Variants in OPRD1 observed in about 807,000 individuals in gnomAD.
OPRD1 encodes the protein opioid receptor delta 1, also known as delta-type opioid receptor.
A neutral mutation model predicts 17.5 loss-of-function variants in OPRD1; 19 were observed. That is an observed-to-expected ratio of 1.09 (90% CI 0.76 to 1.60). The LOEUF (loss-of-function observed/expected upper bound fraction) is 1.60. Among genes scored for constraint, OPRD1 ranks in the 40% most tolerant of loss-of-function variants. The probability of loss-of-function intolerance (pLI) is 0.00; values close to 1 mark genes in which losing one functional copy is unlikely to be tolerated. For synonymous variants in OPRD1, 256 were observed against 240.9 expected (o/e 1.06, Z -0.58); for missense variants, 483 against 547.2 (o/e 0.88, Z 1.17).
chr1:28,826,959 A>G (rs1019397580), intron 1 of OPRD1, among the ~76,000 whole-genome samples: 1 of 152,220 alleles, frequency 6.6e-6, no homozygotes, highest in Non-Finnish European at 1.5e-5. Flanking sequence ...CATTTCAACA[A>G]AGTTCACAGA....
At chr1:28,850,602 C>T (rs1158945658) in intron 1 of OPRD1, among the ~76,000 whole-genome samples, 2 of 151,902 alleles carry the variant, frequency 1.3e-5, no homozygotes, top group African/African-American at 2.4e-5. Context: ...GGATTACATG[C>T]GTGAGCCACT....
intron 1 of OPRD1, among the ~76,000 whole-genome samples, chr1:28,822,004 T>G (rs1219395133): frequency 6.6e-6 from 1 of 151,064 alleles, no homozygotes; most frequent in East Asian, 1.9e-4. Flanking sequence ...CAGGCTGGAG[T>G]GCAATGGCGC....
At chr1:28,854,821 T>C (rs1393537231) in intron 1 of OPRD1, among the ~76,000 whole-genome samples, 1 of 151,942 alleles carries the variant, frequency 6.6e-6, no homozygotes, top group East Asian at 1.9e-4. Flanking sequence ...CCCGGCTAAT[T>C]TTTGTATTTT....
chr1:28,862,295 AGGTT>A (rs1202448399), intron 2 of OPRD1, among the ~76,000 whole-genome samples: 1 of 152,060 alleles, frequency 6.6e-6, no homozygotes, highest in Non-Finnish European at 1.5e-5. Flanking sequence ...AAGCTCCAAG[AGGTT>A]TAGTAATTTC....
At chr1:28,820,901 T>A (rs1044363793) in intron 1 of OPRD1, among the ~76,000 whole-genome samples, 4 of 151,990 alleles carry the variant, frequency 2.6e-5, no homozygotes, top group African/African-American at 9.7e-5. Flanking sequence ...GCATCTGGCC[T>A]GAGACCCCAT....
intron 1 of OPRD1, among the ~76,000 whole-genome samples, chr1:28,846,907 T>TTTTC (rs1195716117): frequency 1.0e-4 from 14 of 140,454 alleles, no homozygotes; most frequent in African/African-American, 3.3e-4. Flanking sequence ...CTTTCTTTCT[T>TTTTC]TTTCTTTCTT....
At chr1:28,824,181 A>G (rs28474854) in intron 1 of OPRD1, among the ~76,000 whole-genome samples, 50,336 of 136,144 alleles carry the variant, frequency 0.37, 8,931 homozygotes, top group African/African-American at 0.56. Flanking sequence ...CCTATCTCCA[A>G]AAAAAAAAAA....
At position 28,814,638 on chromosome 1, in the gene OPRD1, G is replaced by A. The variant is rs534739644; in HGVS notation, c.227+2028G>A. On this transcript the variant is annotated intron_variant, in intron 1 of 2. Transcript: ENST00000234961. ...GGCCTCTGGCTGGTTGGCTGACTGA[G>A]CACAGCTTCCCCACTACCACTGAGC... Among the ~76,000 whole-genome samples the A allele has an allele frequency of 1.6e-4, 24 of 152,270 alleles. 1 individual carries two copies. The South Asian group carries it at 3.7e-3, about 24-fold the overall frequency.
chr1:28,863,285 C>G lies in OPRD1; in HGVS notation c.*2C>G. ...CCCGGCGGTGGCGCTGCCGCCTGAC[C>G]AGGCCATCCGGCCCCCAGAGCGCCC... On this transcript the variant is annotated 3_prime_UTR_variant, in exon 3 of 3. Coordinates refer to ENST00000234961, the MANE Select transcript of OPRD1 (RefSeq NM_000911.4). The G allele has an allele frequency of 7.0e-7, 1 of 1,429,522 alleles. No individual in the cohort carries two copies. The highest frequency in any genetic ancestry group is 9.1e-7 in the Non-Finnish European group (1 of 1,102,872). 88.6% of individuals were successfully genotyped at this position (1,429,522 alleles called of 1,614,324 possible).
chr1:28,854,586 C>T (rs749624188), intron 1 of OPRD1, among the ~76,000 whole-genome samples: 9 of 151,990 alleles, frequency 5.9e-5, no homozygotes, highest in South Asian at 2.1e-4. Flanking sequence ...GGGAGGCTGC[C>T]GCAGTGTCCC....
chr1:28,837,899 C>T (rs187318093), intron 1 of OPRD1, among the ~76,000 whole-genome samples: 1 of 148,384 alleles, frequency 6.7e-6, no homozygotes. Context: ...ATTACATCTG[C>T]AAAGTCCCTA....
chr1:28,833,795 T>G (rs1303363135), intron 1 of OPRD1, among the ~76,000 whole-genome samples: 1 of 152,160 alleles, frequency 6.6e-6, no homozygotes, highest in Non-Finnish European at 1.5e-5. Flanking sequence ...AGTCCCCTCA[T>G]CTACCAAATG....
At chr1:28,817,343 G>A (rs1452564492) in intron 1 of OPRD1, among the ~76,000 whole-genome samples, 1 of 152,186 alleles carries the variant, frequency 6.6e-6, no homozygotes, top group East Asian at 1.9e-4. Flanking sequence ...CCTATCTGAG[G>A]TGACTGCAGC....
intron 1 of OPRD1, among the ~76,000 whole-genome samples, chr1:28,820,009 G>A (rs1264292967): frequency 6.6e-6 from 1 of 152,106 alleles, no homozygotes; most frequent in Non-Finnish European, 1.5e-5. Context: ...AACGGGAGTA[G>A]TGATAGACCC....
rs919421107 is a variant in OPRD1, at chr1:28,866,872, G to A, written c.*3589G>A. The A allele has an allele frequency of 6.7e-6, 1 of 148,340 alleles. No homozygotes were observed. Among genetic ancestry groups the A allele is most frequent in the Admixed American group, 6.7e-5 (1 of 14,994 alleles). 9.2% of individuals were successfully genotyped at this position (148,340 alleles called of 1,614,324 possible). A position where few individuals can be genotyped will look rare whatever the true frequency, so the allele number is the denominator to read the frequency against. ...ACAGTGTAATTCTAGATCGTCACAG[G>A]GTTCTCAAAACTGCAGAGTAGGTCT... On this transcript the variant is annotated 3_prime_UTR_variant, in exon 3 of 3. Transcript: ENST00000234961.
intron 1 of OPRD1, among the ~76,000 whole-genome samples, chr1:28,839,665 C>G (rs1254668224): frequency 2.0e-5 from 3 of 152,128 alleles, no homozygotes; most frequent in Admixed American, 2.0e-4. Context: ...TTGCCCCCAC[C>G]TTGAACTCAT....
intron 2 of OPRD1, among the ~76,000 whole-genome samples, chr1:28,861,916 T>TC (rs34582275): frequency 0.49 from 70,208 of 144,148 alleles, 18,515 homozygotes; most frequent in East Asian, 0.77. Context: ...TTCTTTTCTT[T>TC]TTTTTTTTTT....
In OPRD1 at chr1:28,862,840, A is replaced by G. The variant is rs1322842793; in HGVS notation, c.676A>G (p.Ile226Val). Residue 226 changes from isoleucine (I) to valine (V), a missense_variant, in exon 3 of 3, where the codon ATC (isoleucine) becomes GTC (valine). Physicochemically the swap from Ile to Val is conservative, Grantham distance 29 (BLOSUM62 3). Coordinates refer to ENST00000234961, the MANE Select transcript of OPRD1 (RefSeq NM_000911.4). The part of the protein sequence containing the change: ...CVFLFAFVVP[I>V]LIITVCYGLM... ...GTTCCTCTTCGCCTTCGTGGTGCCC[A>G]TCCTCATCATCACCGTGTGCTATGG... The G allele has an allele frequency of 6.2e-7, 1 of 1,613,002 alleles. No individual in the cohort carries two copies. Among genetic ancestry groups the G allele is most frequent in the African/African-American group, 1.3e-5 (1 of 74,950 alleles).
intron 1 of OPRD1, among the ~76,000 whole-genome samples, 177 bp from the exon 2 acceptor site, chr1:28,858,777 C>G (rs1478817529): frequency 6.6e-6 from 1 of 151,844 alleles, no homozygotes; most frequent in East Asian, 1.9e-4. Context: ...AACTCTTGAC[C>G]TCAGGTGATC....
Sources: gnomAD v4.1 joint callset for allele counts (sites outside exome capture counted in the v4.1 genomes callset) on GRCh38, gnomAD v4.1.1 for gene constraint, MANE v1.5 for transcripts, NCBI Gene and HGNC (gene_info 2026-07-23, HGNC 2026-07-21) for gene names.